Variants in ABCC9 observed in about 807,000 individuals in gnomAD.
The protein encoded by ABCC9 is ATP binding cassette subfamily C member 9.
Under a neutral mutation model 188.3 loss-of-function variants are expected in ABCC9, and 95 were observed. That is an observed-to-expected ratio of 0.50 (90% CI 0.43 to 0.60). The LOEUF is 0.60. Among genes scored for constraint, ABCC9 ranks in the 20% least tolerant of loss-of-function variants. The pLI is 0.00. For missense variants in ABCC9, 1,102 were observed against 1,876.3 expected (o/e 0.59, Z 7.62); for synonymous variants, 659 against 652.7 (o/e 1.01, Z -0.15).
rs536989270 is a variant in ABCC9 at position 21,810,927 on chromosome 12, A to C, written c.4212-972T>G. 2.6e-5 allele frequency among the ~76,000 whole-genome samples: 4 copies of C among 152,322 alleles called. No homozygotes were observed. The South Asian group carries it at 8.3e-4, about 32-fold the overall frequency. On this transcript the variant is annotated intron_variant, in intron 36 of 39. Coordinates refer to ENST00000261200, the MANE Select transcript of ABCC9 (RefSeq NM_020297.4). ...GGTGGCAAACACTTCTTTGTAATTA[A>C]GTAGATGGAGGTTAGGAGCAAAATA...
intron 12 of ABCC9, among the ~76,000 whole-genome samples, chr12:21,905,520 A>C (rs556117077): frequency 1.3e-5 from 2 of 152,262 alleles, no homozygotes; most frequent in South Asian, 4.1e-4. Context: ...GAATGCTACA[A>C]ATAGAACGAT....
Position 21,936,669 on chromosome 12 carries a change from G to T in ABCC9, c.6C>A (p.Ser2Arg). The T allele has an allele frequency of 1.2e-6, 2 of 1,608,526 alleles. No homozygotes were observed. Among genetic ancestry groups the T allele is most frequent in the Non-Finnish European group, 1.7e-6 (2 of 1,175,252 alleles). Residue 2 changes from serine (S) to arginine (R), a missense_variant, in exon 3 of 40, where the codon AGC (serine) becomes AGA (arginine). Transcript: ENST00000261200. M[S>R]LSFCGNNISS... ...AAATGTTGTTACCACAAAATGAAAG[G>T]CTCATTTCTTCTTATATGGTTTACT...
At position 21,799,888 on chromosome 12, in the gene ABCC9, A is replaced by T. The variant is rs1247315744; in HGVS notation, c.*1156T>A. On this transcript the variant is annotated 3_prime_UTR_variant, in exon 40 of 40. Coordinates refer to ENST00000261200, the MANE Select transcript of ABCC9 (RefSeq NM_020297.4). The stretch of plus-strand genomic sequence containing the variant: ...ATTAATTTTCATTTAAGCAAAACCT[A>T]ACACTAATATCCCATCAATTTTTGA... The T allele has an allele frequency of 6.6e-6, 1 of 152,192 alleles. No individual in the cohort carries two copies. Among genetic ancestry groups the T allele is most frequent in the Non-Finnish European group, 1.5e-5 (1 of 68,034 alleles). The allele number at this position is 152,192 out of a possible 1,614,324, so 9.4% of individuals were successfully genotyped here.
rs117816005 is a variant in ABCC9 at position 21,834,190 on chromosome 12, A to G, written c.3566+3888T>C. Among the ~76,000 whole-genome samples, 19 of 152,172 alleles carry G rather than the reference A, an allele frequency of 1.2e-4. No individual in the cohort carries two copies. In the East Asian group the frequency reaches 2.3e-3, roughly 19 times the overall value. On this transcript the variant is annotated intron_variant, in intron 30 of 39. Transcript: ENST00000261200. ...TGTTGTTATTACTATTGACCATTCA[A>G]TTTCTTTTTAAAATGCTCACTTGAT...
chr12:21,884,937 C>G (rs1420585941), intron 15 of ABCC9, among the ~76,000 whole-genome samples: 1 of 152,182 alleles, frequency 6.6e-6, no homozygotes, highest in Non-Finnish European at 1.5e-5. Flanking sequence ...CAGGTCTACA[C>G]CTACATATAA....
At chr12:21,858,885 A>G (rs1424125768) in intron 22 of ABCC9, among the ~76,000 whole-genome samples, 2 of 152,184 alleles carry the variant, frequency 1.3e-5, no homozygotes, top group Non-Finnish European at 2.9e-5. Context: ...ATGCATTTAC[A>G]TACTCTGCCA....
chr12:21,807,633 C>T (rs1941948634), intron 37 of ABCC9, among the ~76,000 whole-genome samples, 154 bp from the exon 38 acceptor site: 1 of 152,130 alleles, frequency 6.6e-6, no homozygotes, highest in South Asian at 2.1e-4. Context: ...CAAAGAGGAA[C>T]TCCACTTTGG....
chr12:21,800,826 C>G lies in ABCC9; in HGVS notation c.*218G>C, dbSNP rs1591912919. ...TAATACAACCTAGCTATTCTTAAAG[C>G]TAGAGTGGCTGGATCACTATAAAAA... On this transcript the variant is annotated 3_prime_UTR_variant, in exon 40 of 40. Coordinates refer to ENST00000261200, the MANE Select transcript of ABCC9 (RefSeq NM_020297.4). The G allele has an allele frequency of 1.8e-6, 1 of 555,596 alleles. No homozygotes were observed. Among genetic ancestry groups the G allele is most frequent in the East Asian group, 3.2e-5 (1 of 31,454 alleles). 34.4% of individuals were successfully genotyped at this position (555,596 alleles called of 1,614,324 possible).
chr12:21,896,445 A>G (rs1947430212), intron 12 of ABCC9, among the ~76,000 whole-genome samples: 1 of 151,892 alleles, frequency 6.6e-6, no homozygotes, highest in Non-Finnish European at 1.5e-5. Context: ...TCACCCTATT[A>G]TATTTTATTT....
chr12:21,930,733 A>T (rs1340458741), intron 4 of ABCC9, among the ~76,000 whole-genome samples: 5 of 152,184 alleles, frequency 3.3e-5, no homozygotes, highest in Non-Finnish European at 7.4e-5. Context: ...GGGCAAATGG[A>T]TAAATAAATG....
intron 4 of ABCC9, among the ~76,000 whole-genome samples, chr12:21,930,235 G>C (rs1949225243): frequency 6.6e-6 from 1 of 152,062 alleles, no homozygotes; most frequent in South Asian, 2.1e-4. Context: ...GTGACAGAAA[G>C]TTTTGAAAAT....
chr12:21,863,442 T>A (rs1945625646), intron 19 of ABCC9, among the ~76,000 whole-genome samples: 1 of 151,886 alleles, frequency 6.6e-6, no homozygotes, highest in South Asian at 2.1e-4. Flanking sequence ...AAATTCTACA[T>A]GCAAACTTTA....
intron 15 of ABCC9, 146 bp from the exon 16 acceptor site, chr12:21,883,019 A>G (rs895021630): frequency 1.5e-6 from 1 of 677,800 alleles, no homozygotes; most frequent in Non-Finnish European, 2.6e-6. Flanking sequence ...CTTCATAAAA[A>G]AAAATGAAAA....
At chr12:21,810,107 G>T in intron 36 of ABCC9, 152 bp from the exon 37 acceptor site, 1 of 621,130 alleles carries the variant, frequency 1.6e-6, no homozygotes. Flanking sequence ...CCAGAGCAGT[G>T]CAAGCACTGA....
chr12:21,922,751 CTTTTTT>C (rs143763191), intron 5 of ABCC9, among the ~76,000 whole-genome samples: 1 of 119,120 alleles, frequency 8.4e-6, no homozygotes, highest in African/African-American at 3.0e-5. Context: ...TTTTTTTTTT[CTTTTTT>C]TTTTTTTTTT....
intron 39 of ABCC9, chr12:21,805,389 T>A: frequency 7.2e-7 from 1 of 1,381,760 alleles, no homozygotes; most frequent in Non-Finnish European, 1.0e-6. Context: ...TAGTTTTTAT[T>A]AAGCAGTAAG....
intron 31 of ABCC9, among the ~76,000 whole-genome samples, chr12:21,823,673 T>TAC: frequency 6.6e-6 from 1 of 152,372 alleles, no homozygotes; most frequent in African/African-American, 2.4e-5. Flanking sequence ...TAGATAAAGT[T>TAC]ACACCATTTT....
intron 12 of ABCC9, among the ~76,000 whole-genome samples, chr12:21,898,517 A>T (rs926231134): frequency 6.6e-6 from 1 of 152,228 alleles, no homozygotes; most frequent in Non-Finnish European, 1.5e-5. Flanking sequence ...TAGGGCTAGA[A>T]TAAAGGGGCT....
At chr12:21,892,439 TA>T (rs1406645982) in intron 14 of ABCC9, among the ~76,000 whole-genome samples, 1 of 152,074 alleles carries the variant, frequency 6.6e-6, no homozygotes, top group African/African-American at 2.4e-5. Flanking sequence ...AAAATGAAAA[TA>T]AGGACCAAAA....
Sources: gnomAD v4.1 joint callset for allele counts (sites outside exome capture counted in the v4.1 genomes callset) on GRCh38, gnomAD v4.1.1 for gene constraint, MANE v1.5 for transcripts, NCBI Gene and HGNC (gene_info 2026-07-23, HGNC 2026-07-21) for gene names.